Variants in DCTN1 observed in about 807,000 individuals in gnomAD.
DCTN1 encodes dynactin subunit 1.
A neutral mutation model predicts 161.2 loss-of-function variants in DCTN1; 61 were observed. The observed-to-expected ratio is 0.38, with a 90% CI of 0.31 to 0.47. DCTN1 has a LOEUF of 0.47. DCTN1 is among the 20% of genes least tolerant of loss of function. The pLI is 0.99. For missense variants in DCTN1, 1,404 were observed against 1,623.7 expected (o/e 0.86, Z 2.33); for synonymous variants, 653 against 632.4 (o/e 1.03, Z -0.49).
At position 74,363,648 on chromosome 2, in the gene DCTN1, T is replaced by C. The variant is rs1350597384; in HGVS notation, c.3197-20A>G. 4 of 1,613,370 alleles carry C rather than the reference T, an allele frequency of 2.5e-6. No individual in the cohort carries two copies. Among genetic ancestry groups the C allele is most frequent in the Non-Finnish European group, 3.4e-6 (4 of 1,179,726 alleles). On this transcript the variant is annotated intron_variant, in intron 26 of 31. Coordinates refer to ENST00000628224, the MANE Select transcript of DCTN1 (RefSeq NM_004082.5). ...GTTCTTCTGTGCTCGGGATAGCCCA[T>C]GGGGGAGCAGGAAAAGAGGAGAGAG...
intron 1 of DCTN1, among the ~76,000 whole-genome samples, chr2:74,386,130 A>G (rs1675718740): frequency 6.6e-6 from 1 of 152,134 alleles, no homozygotes; most frequent in Non-Finnish European, 1.5e-5. Flanking sequence ...CAGTGATCCC[A>G]CTGTCCTGCC....
intron 1 of DCTN1, among the ~76,000 whole-genome samples, chr2:74,379,491 G>C (rs1675410696): frequency 6.6e-6 from 1 of 152,154 alleles, no homozygotes; most frequent in African/African-American, 2.4e-5. Flanking sequence ...TGGAACAGCA[G>C]GATGGCTCTC....
chr2:74,374,255 C>A (rs556545564), intron 6 of DCTN1, 68 bp downstream of exon 6: 5 of 1,521,934 alleles, frequency 3.3e-6, no homozygotes, highest in East Asian at 4.6e-5. Flanking sequence ...CCCCCACCCC[C>A]ACCCCAGCAG....
chr2:74,373,963 T>G (rs57699395), intron 6 of DCTN1, among the ~76,000 whole-genome samples: 7,267 of 152,214 alleles, frequency 0.048, 513 homozygotes, highest in East Asian at 0.36. Flanking sequence ...AAAGGTTGGG[T>G]GAGGCAGGCA....
rs1263362778 is a variant in DCTN1 at position 74,365,495 on chromosome 2, C to T, written c.3029+20G>A. ...AGTGGGAGGATTAGAGGAAGCAAGG[C>T]CCCAGGGAAAGTGCCTGACTTCTCC... is the stretch of plus-strand genomic sequence containing the variant. On this transcript the variant is annotated intron_variant, in intron 25 of 31. Coordinates refer to ENST00000628224, the MANE Select transcript of DCTN1 (RefSeq NM_004082.5). 5 of 1,613,950 alleles carry T rather than the reference C, an allele frequency of 3.1e-6. No individual in the cohort carries two copies. Among genetic ancestry groups the T allele is most frequent in the Admixed American group, 1.7e-5 (1 of 60,002 alleles).
rs1490511640 is a variant in DCTN1 at position 74,368,074 on chromosome 2, C to T, written c.1912G>A (p.Glu638Lys). The T allele has an allele frequency of 1.2e-6, 2 of 1,609,748 alleles. No individual in the cohort carries two copies. The highest frequency in any genetic ancestry group is 3.4e-5 in the Admixed American group (2 of 59,362). ...EKFELSENCS[E>K]RPGLRGAAGE... ...GCAGCTCCTCGCAGCCCAGGCCGCTCTGAACAGTTCTCACTTAGTTCAAAC... is the reference window on the plus strand; with the variant it reads ...GCAGCTCCTCGCAGCCCAGGCCGCTTTGAACAGTTCTCACTTAGTTCAAAC... The change falls in exon 17 of 32, where the codon GAG (glutamate) becomes AAG (lysine). Residue 638 changes from glutamate to lysine, a missense_variant. Coordinates refer to ENST00000628224, the MANE Select transcript of DCTN1 (RefSeq NM_004082.5).
rs1346797162 is a variant in DCTN1, at chr2:74,378,228, C to T, written c.51G>A (p.Arg17=). The change falls in exon 2 of 32, where the codon AGG becomes AGA. Residue 17 remains arginine, a synonymous_variant. Coordinates refer to ENST00000628224, the MANE Select transcript of DCTN1 (RefSeq NM_004082.5). ...HVYSRTPSGS[R]MSAEASARPL... ...GCCGGGCGCTTGCCTCCGCACTCAT[C>T]CTGCTGCCGCTGGGCGTCTGAAAGA... 1.2e-6 allele frequency: 2 copies of T among 1,609,590 alleles called. No homozygotes were observed. Among genetic ancestry groups the T allele is most frequent in the African/African-American group, 1.3e-5 (1 of 75,070 alleles).
At position 74,376,735 on chromosome 2, in the gene DCTN1, ACAC is replaced by A. The variant is rs1403786432; in HGVS notation, c.414+4_414+6del. 3.1e-6 allele frequency: 5 copies of A among 1,604,444 alleles called. No individual in the cohort carries two copies. The highest frequency in any genetic ancestry group is 1.7e-4 in the Middle Eastern group (1 of 6,030). Reference sequence around the variant, plus strand: ...ATCCACCCAGGCACAAATAGTAAACACACCACCTTCTTAGGCTTCAGTCCCCGC... The same window carrying A: ...ATCCACCCAGGCACAAATAGTAAACACACCTTCTTAGGCTTCAGTCCCCGC... On this transcript the variant is annotated splice_donor_5th_base_variant and intron_variant, in intron 5 of 31. Coordinates refer to ENST00000628224, the MANE Select transcript of DCTN1 (RefSeq NM_004082.5).
rs151107870 is a variant in DCTN1, at chr2:74,370,811, C to A, written c.858G>T (p.Ala286=). The change falls in exon 10 of 32, where the codon GCG becomes GCT. Residue 286 remains alanine, a synonymous_variant. Transcript: ENST00000628224. This position sits in a 1 kb window ranked among gnomAD's most constrained non-coding sequence, Gnocchi z 4.4. ...LKEARKEAKE[A]LEAKERYMEE... is the part of the protein sequence containing the mutation. ...CCATATAGCGTTCCTTTGCCTCCAG[C>A]GCCTCCTTGGCTTCCTGAGGAAGAA... The A allele has an allele frequency of 1.2e-4, 195 of 1,614,234 alleles. No individual in the cohort carries two copies. In the Middle Eastern group the frequency reaches 1.8e-3, roughly 15 times the overall value.
chr2:74,378,864 G>T, intron 1 of DCTN1: 1 of 156,960 alleles, frequency 6.4e-6, no homozygotes. Flanking sequence ...AACCCCAGAT[G>T]CTTCACCACA....
At chr2:74,389,486 G>C (rs1326051792) in intron 1 of DCTN1, among the ~76,000 whole-genome samples, 1 of 152,082 alleles carries the variant, frequency 6.6e-6, no homozygotes, top group Non-Finnish European at 1.5e-5. Flanking sequence ...TGATAGAGCT[G>C]GCAGAGTAAA....
chr2:74,374,606 C>CCGGTG (rs1675112206), intron 5 of DCTN1: 1 of 1,261,294 alleles, frequency 7.9e-7, no homozygotes, highest in Non-Finnish European at 1.0e-6. Context: ...TCGCCAGGCT[C>CCGGTG]CGGCAGGCAC....
chr2:74,386,114 C>A (rs1014941170), intron 1 of DCTN1, among the ~76,000 whole-genome samples: 1 of 152,162 alleles, frequency 6.6e-6, no homozygotes, highest in Non-Finnish European at 1.5e-5. Flanking sequence ...CAAAAGCTGA[C>A]AGCAACAGTG....
intron 1 of DCTN1, chr2:74,387,125 G>C (rs1475191865): frequency 6.6e-6 from 1 of 152,102 alleles, no homozygotes; most frequent in Non-Finnish European, 1.5e-5. Flanking sequence ...CACTTTAAAA[G>C]AGCCCTGGTG....
At chr2:74,388,950 T>C (rs1202746675) in intron 1 of DCTN1, among the ~76,000 whole-genome samples, 1 of 152,122 alleles carries the variant, frequency 6.6e-6, no homozygotes, top group Non-Finnish European at 1.5e-5. Flanking sequence ...CATGGCTCTT[T>C]CCACTCCAGA....
Position 74,371,542 on chromosome 2 carries a change from A to T in DCTN1, c.640T>A (p.Ser214Thr). Residue 214 changes from serine to threonine, a missense_variant, in exon 8 of 32, where the codon TCC (serine) becomes ACC (threonine). Ser to Thr is a moderately conservative substitution (Grantham distance 58). This residue lies in a region of DCTN1 where 174 missense variants were observed against 175.6 expected (regional missense o/e 0.99). Transcript: ENST00000628224. The part of the protein sequence containing the change: ...PGAVPPLPSP[S>T]KEEEGLRAQV... Reference sequence around the variant, plus strand: ...ACCCCTACCCCAGGCCTTACCTTGGATGGGGAAGGAAGCGGGGGGACTGCT... The same window carrying T: ...ACCCCTACCCCAGGCCTTACCTTGGTTGGGGAAGGAAGCGGGGGGACTGCT... 6.4e-7 allele frequency: 1 copy of T among 1,571,872 alleles called. No homozygotes were observed. Among genetic ancestry groups the T allele is most frequent in the African/African-American group, 1.4e-5 (1 of 74,052 alleles).
upstream of DCTN1, among the ~76,000 whole-genome samples, chr2:74,382,370 C>T (rs1675547176): frequency 6.6e-6 from 1 of 151,996 alleles, no homozygotes; most frequent in Non-Finnish European, 1.5e-5. Context: ...GAGGCTGAGG[C>T]CGGTGGCTCA....
intron 1 of DCTN1, among the ~76,000 whole-genome samples, chr2:74,386,407 T>C (rs182904162): frequency 6.6e-6 from 1 of 152,218 alleles, no homozygotes; most frequent in Non-Finnish European, 1.5e-5. Context: ...AAAAATCACA[T>C]GAGAATGCCT....
At chr2:74,379,924 GC>G in intron 1 of DCTN1, 80 bp downstream of exon 1, 3 of 1,429,318 alleles carry the variant, frequency 2.1e-6, no homozygotes, top group South Asian at 1.2e-5. Flanking sequence ...TATCTCCCCA[GC>G]CCCCACAGCA....
Sources: allele counts gnomAD v4.1 joint callset (sites outside exome capture counted in the v4.1 genomes callset), GRCh38; gene constraint gnomAD v4.1.1; regional missense constraint gnomAD v4.1.1; non-coding constraint Gnocchi (gnomAD v3.1); transcripts MANE v1.5; gene names NCBI Gene and HGNC (gene_info 2026-07-23, HGNC 2026-07-21).